Variants in HPCAL1 observed in about 807,000 individuals in gnomAD.
HPCAL1 encodes hippocalcin like 1.
In HPCAL1, 8 loss-of-function variants were observed where a neutral mutation model predicts 17.1. The ratio of observed to expected loss-of-function variants is 0.47; its 90% confidence interval spans 0.27 to 0.84. HPCAL1 has a LOEUF of 0.84. Ranked by LOEUF, HPCAL1 falls within the 40% of genes least tolerant of loss-of-function variation. HPCAL1 has a pLI of 0.13. For synonymous variants in HPCAL1, 112 were observed against 111.4 expected, an observed-to-expected ratio of 1.01 and a Z score of -0.03; for missense variants, 165 against 271.1, an observed-to-expected ratio of 0.61 and a Z score of 2.75.
chr2:10,347,861 G>A (rs1665570270), intron 1 of HPCAL1, among the ~76,000 whole-genome samples: 1 of 152,184 alleles, frequency 6.6e-6, no homozygotes. Flanking sequence ...AGCAAACTGT[G>A]TCTCAAACAT....
intron 4 of HPCAL1, chr2:10,424,331 G>C (rs1671266378): frequency 2.7e-6 from 1 of 365,102 alleles, no homozygotes; most frequent in Admixed American, 3.2e-5. Flanking sequence ...CGTTGCCTTT[G>C]GGCTGATGGG....
At chr2:10,361,252 G>A (rs1666507429) in intron 1 of HPCAL1, among the ~76,000 whole-genome samples, 1 of 97,388 alleles carries the variant, frequency 1.0e-5, no homozygotes. Context: ...GAGGGAATGG[G>A]TGGATCCCAG....
At chr2:10,312,542 C>T (rs1175414387) in intron 1 of HPCAL1, among the ~76,000 whole-genome samples, 1 of 151,628 alleles carries the variant, frequency 6.6e-6, no homozygotes, top group Non-Finnish European at 1.5e-5. Flanking sequence ...TCACCACCAC[C>T]ATCACCATCA....
chr2:10,366,118 G>A (rs1037673067), intron 1 of HPCAL1, among the ~76,000 whole-genome samples: 1 of 152,224 alleles, frequency 6.6e-6, no homozygotes, highest in African/African-American at 2.4e-5. Flanking sequence ...GTCTGGTGGT[G>A]GCTGGCCTTG....
intron 1 of HPCAL1, among the ~76,000 whole-genome samples, chr2:10,328,050 T>G (rs2125413756): frequency 6.6e-6 from 1 of 152,300 alleles, no homozygotes; most frequent in East Asian, 1.9e-4. Context: ...AGCTCAGCTG[T>G]GGGAATGGCC....
At chr2:10,338,382 A>G (rs968555201) in intron 1 of HPCAL1, among the ~76,000 whole-genome samples, 2 of 152,178 alleles carry the variant, frequency 1.3e-5, no homozygotes, top group Non-Finnish European at 2.9e-5. Context: ...TGAACTTTGG[A>G]TCAGTGCGGC....
rs1671437748 is a variant in HPCAL1, at chr2:10,426,814, A to G, written c.575A>G (p.Gln192Arg). 1 of 1,612,830 alleles carries G rather than the reference A, an allele frequency of 6.2e-7. No homozygotes were observed. The highest frequency in any genetic ancestry group is 1.3e-5 in the African/African-American group (1 of 74,918). Reference protein sequence around the residue: ...LLQCDPSSASQF With the variant: ...LLQCDPSSASRF ...CAGTGCGACCCCAGCAGTGCCAGTC[A>G]GTTCTGAGCGAGCGGCCCCTGGACA... Residue 192 changes from glutamine to arginine, a missense_variant, in exon 5 of 5, where the codon CAG becomes CGG. By Grantham distance (43) the Gln-to-Arg change is conservative. Transcript: ENST00000307845.
intron 1 of HPCAL1, among the ~76,000 whole-genome samples, chr2:10,356,319 T>C (rs957038799): frequency 6.6e-6 from 1 of 152,162 alleles, no homozygotes; most frequent in Admixed American, 6.5e-5. Flanking sequence ...CGCCTCTTAG[T>C]GCCAAGGGAG....
intron 1 of HPCAL1, among the ~76,000 whole-genome samples, chr2:10,356,045 G>T (rs935671021): frequency 1.3e-5 from 2 of 152,172 alleles, no homozygotes; most frequent in Non-Finnish European, 2.9e-5. Context: ...TGATTTGTGG[G>T]CCTTTTGGCA....
At chr2:10,324,635 C>T (rs1170719243) in intron 1 of HPCAL1, among the ~76,000 whole-genome samples, 1 of 151,810 alleles carries the variant, frequency 6.6e-6, no homozygotes, top group Non-Finnish European at 1.5e-5. Flanking sequence ...GGAAACCACC[C>T]CTGGTCCTGC....
At chr2:10,312,227 G>A (rs62651741) in intron 1 of HPCAL1, among the ~76,000 whole-genome samples, 1 of 76,318 alleles carries the variant, frequency 1.3e-5, no homozygotes, top group African/African-American at 4.6e-5. Context: ...CATCATCACT[G>A]TCATCACCAT....
chr2:10,386,984 G>A (rs977348421), intron 1 of HPCAL1, among the ~76,000 whole-genome samples: 6 of 152,208 alleles, frequency 3.9e-5, no homozygotes, highest in African/African-American at 9.6e-5. Context: ...TGGGAGAAGC[G>A]GGGCTTGCAG....
intron 1 of HPCAL1, among the ~76,000 whole-genome samples, chr2:10,383,811 G>A (rs112678802): frequency 1.3e-5 from 2 of 152,142 alleles, no homozygotes; most frequent in African/African-American, 2.4e-5. Context: ...TGCGGGGAAG[G>A]GGGGGCTGTC....
intron 1 of HPCAL1, among the ~76,000 whole-genome samples, chr2:10,364,322 C>G (rs1666710726): frequency 6.6e-6 from 1 of 152,204 alleles, no homozygotes; most frequent in Admixed American, 6.5e-5. Context: ...TGGCCAGAGC[C>G]CTGAGCACCG....
At chr2:10,393,148 G>A (rs887849631) in intron 1 of HPCAL1, among the ~76,000 whole-genome samples, 2 of 152,168 alleles carry the variant, frequency 1.3e-5, no homozygotes, top group Non-Finnish European at 2.9e-5. Context: ...ACAGAAATCG[G>A]GAGCAACCAG....
intron 1 of HPCAL1, among the ~76,000 whole-genome samples, chr2:10,382,848 T>A (rs1016211691): frequency 1.3e-5 from 2 of 152,216 alleles, no homozygotes; most frequent in Non-Finnish European, 2.9e-5. Flanking sequence ...CACACCTTCC[T>A]GTTTCTGCCC....
At chr2:10,383,407 G>T (rs1253195781) in intron 1 of HPCAL1, among the ~76,000 whole-genome samples, 1 of 151,980 alleles carries the variant, frequency 6.6e-6, no homozygotes, top group Non-Finnish European at 1.5e-5. Flanking sequence ...CTGTTGCCCA[G>T]GCTGGAGTGC....
In HPCAL1 at chr2:10,365,155, A is replaced by G. The variant is rs908544140; in HGVS notation, c.-110-31680A>G. 6.6e-6 allele frequency among the ~76,000 whole-genome samples: 1 copy of G among 152,044 alleles called. No individual in the cohort carries two copies. Among genetic ancestry groups the G allele is most frequent in the Admixed American group, 6.6e-5 (1 of 15,266 alleles). On this transcript the variant is annotated intron_variant, in intron 1 of 4. Transcript: ENST00000307845. The surrounding 1 kb of genome is among the most constrained non-coding windows in gnomAD (Gnocchi z 4.8). ...TCCACACCACCCGCCCTGAGTTCTG[A>G]ACTTAGCCACCTCATGTACGGAAGG...
chr2:10,391,334 C>T (rs1668684519), intron 1 of HPCAL1, among the ~76,000 whole-genome samples: 1 of 152,176 alleles, frequency 6.6e-6, no homozygotes. Context: ...TACACTCTGT[C>T]CCCTTGCTCT....
Sources: allele counts gnomAD v4.1 joint callset (sites outside exome capture counted in the v4.1 genomes callset), GRCh38; gene constraint gnomAD v4.1.1; non-coding constraint Gnocchi (gnomAD v3.1); transcripts MANE v1.5; gene names NCBI Gene and HGNC (gene_info 2026-07-23, HGNC 2026-07-21).